CUL4B: variants seen among roughly 807,000 people sequenced by gnomAD.
The protein encoded by CUL4B is cullin-4B.
In CUL4B, 1 loss-of-function variant was observed where a neutral mutation model predicts 69.2. The ratio of observed to expected loss-of-function variants is 0.01; its 90% CI spans 0.01 to 0.07. The LOEUF (loss-of-function observed/expected upper bound fraction) is 0.07, where lower values mean the gene tolerates loss of function less well. CUL4B is among the 10% of genes least tolerant of loss of function. CUL4B has a pLI of 1.00. For missense variants in CUL4B, 328 were observed against 638.8 expected (o/e 0.51, Z 5.24); for synonymous variants, 237 against 223.2 (o/e 1.06, Z -0.55).
At chrX:120,543,919 C>T in intron 7 of CUL4B, 110 bp from the exon 8 acceptor site, 2 of 623,771 alleles carry the variant, frequency 3.2e-6, no homozygotes, top group Non-Finnish European at 5.2e-6. Context: ...AGGGTAGAAT[C>T]ATATGTAAAA....
At chrX:120,550,294 T>C (rs781720263) in intron 2 of CUL4B, among the ~76,000 whole-genome samples, 7 of 112,510 alleles carry the variant, frequency 6.2e-5, no homozygotes, top group African/African-American at 1.9e-4. Context: ...ATAAGTTCTT[T>C]AATACTTTTT....
chrX:120,560,570 G>A lies in CUL4B; in HGVS notation c.69C>T (p.Ala23=), dbSNP rs1229501675. 5.0e-6 allele frequency: 6 copies of A among 1,206,691 alleles called. No individual in the cohort carries two copies. The Admixed American group carries it at 8.8e-5, about 18-fold the overall frequency. ...GAGTGGTGCTGGTATTACCATCAGT[G>A]GCAGATCTGACCTCCTGAGCAGCAG... ...AAAAAQEVRS[A]TDGNTSTTPP... is the part of the protein sequence containing the mutation. The change falls in exon 1 of 20, where the codon GCC becomes GCT. Residue 23 remains alanine, a synonymous_variant. Transcript: ENST00000371322.
At chrX:120,536,213 C>G (rs903343152) in intron 15 of CUL4B, among the ~76,000 whole-genome samples, 1 of 113,097 alleles carries the variant, frequency 8.8e-6, no homozygotes, top group African/African-American at 3.2e-5. Context: ...CTGCACTATG[C>G]TGCTTCCTTT....
intron 19 of CUL4B, 77 bp downstream of exon 19, chrX:120,530,023 TGC>T (rs890601625): frequency 1.9e-6 from 2 of 1,030,687 alleles, no homozygotes; most frequent in African/African-American, 3.7e-5. Context: ...GCTTTATGTT[TGC>T]AAGATTTGTG....
Position 120,560,858 on chromosome X carries a change from G to A in CUL4B, c.-220C>T, listed in dbSNP as rs1011245569. The stretch of plus-strand genomic sequence containing the variant: ...GACACCAGGAGTGAGCAGAACGAGG[G>A]GGGAGAGCGAATGAGGAGGCAGACA... On this transcript the variant is annotated 5_prime_UTR_variant, in exon 1 of 20. Coordinates refer to ENST00000371322, the MANE Select transcript of CUL4B (RefSeq NM_001079872.2). 2.7e-6 allele frequency: 2 copies of A among 753,555 alleles called. No individual in the cohort carries two copies. Among genetic ancestry groups the A allele is most frequent in the South Asian group, 6.8e-5 (1 of 14,789 alleles). The allele number at this position is 753,555 out of a possible 1,213,427, so 62.1% of individuals were successfully genotyped here. A position where few individuals can be genotyped will look rare whatever the true frequency, so the allele number is the denominator to read the frequency against.
chrX:120,545,212 C>T (rs976176253), intron 5 of CUL4B, among the ~76,000 whole-genome samples: 6 of 111,867 alleles, frequency 5.4e-5, no homozygotes, highest in African/African-American at 2.0e-4. Flanking sequence ...TTAGTCCCCT[C>T]GGCTAACAAA....
At chrX:120,546,035 G>GA (rs1279748683) in intron 4 of CUL4B, among the ~76,000 whole-genome samples, 22 of 108,495 alleles carry the variant, frequency 2.0e-4, no homozygotes, top group South Asian at 7.6e-4. Context: ...CATCAAGAGA[G>GA]AAAAAAAAAT....
intron 14 of CUL4B, among the ~76,000 whole-genome samples, chrX:120,537,371 C>T (rs769460836): frequency 6.3e-5 from 7 of 110,728 alleles, no homozygotes; most frequent in South Asian, 3.9e-4. Context: ...CTTTGAATAC[C>T]CCTATGTGGC....
intron 2 of CUL4B, among the ~76,000 whole-genome samples, chrX:120,549,871 T>G (rs1924583737): frequency 8.9e-6 from 1 of 112,117 alleles, no homozygotes; most frequent in Admixed American, 9.5e-5. Flanking sequence ...TCTCAGCATT[T>G]CTTATCGCTT....
chrX:120,566,369 A>ATATATG (rs1556253205), upstream of CUL4B, among the ~76,000 whole-genome samples: 1 of 56,465 alleles, frequency 1.8e-5, no homozygotes, highest in Non-Finnish European at 4.0e-5. Context: ...ATATATATAT[A>ATATATG]TATATATATA....
In CUL4B at chrX:120,538,648, T is replaced by G; in HGVS notation, c.1852+12A>C. ...AATCAAAGAAAAGGAACAGAAAGAATGAGAAACCTACCATGTTTAAGTTTG... is the reference window on the plus strand; with the variant it reads ...AATCAAAGAAAAGGAACAGAAAGAAGGAGAAACCTACCATGTTTAAGTTTG... On this transcript the variant is annotated intron_variant, in intron 13 of 19. Transcript: ENST00000371322. The G allele has an allele frequency of 1.2e-5, 13 of 1,079,069 alleles. No homozygotes were observed. Among genetic ancestry groups the G allele is most frequent in the South Asian group, 1.8e-5 (1 of 54,098 alleles). The allele number at this position is 1,079,069 out of a possible 1,213,427, so 88.9% of individuals were successfully genotyped here.
intron 6 of CUL4B, 85 bp from the exon 7 acceptor site, chrX:120,544,288 A>G (rs1924183977): frequency 1.2e-6 from 1 of 846,471 alleles, no homozygotes; most frequent in Non-Finnish European, 1.7e-6. Context: ...CAGCATTATG[A>G]ATTTGGTTTT....
intron 15 of CUL4B, 63 bp from the exon 16 acceptor site, chrX:120,536,006 A>G (rs1923648174): frequency 1.2e-6 from 1 of 801,388 alleles, no homozygotes; most frequent in African/African-American, 2.0e-5. Context: ...TACCATTTTT[A>G]TACTTACCTC....
At chrX:120,574,637 T>C (rs781026157) in intron 1 of CUL4B, 2 of 1,159,453 alleles carry the variant, frequency 1.7e-6, no homozygotes, top group Non-Finnish European at 2.4e-6. Flanking sequence ...GGGTCTACGA[T>C]AGAAAACAGA....
chrX:120,535,471 G>A (rs1416767388), intron 16 of CUL4B, among the ~76,000 whole-genome samples: 6 of 110,163 alleles, frequency 5.4e-5, no homozygotes, highest in African/African-American at 2.0e-4. Context: ...TTAGGAGGCC[G>A]AGGCGCGTGG....
intron 19 of CUL4B, among the ~76,000 whole-genome samples, chrX:120,528,136 G>A (rs993899818): frequency 9.0e-6 from 1 of 111,724 alleles, no homozygotes; most frequent in African/African-American, 3.3e-5. Context: ...ACCGGGTGTG[G>A]TGGCTCATGC....
At chrX:120,542,537 C>T (rs1015350857) in intron 9 of CUL4B, among the ~76,000 whole-genome samples, 3 of 111,791 alleles carry the variant, frequency 2.7e-5, no homozygotes, top group African/African-American at 6.5e-5. Flanking sequence ...AAACCCTCAC[C>T]GCTTTAGTGT....
upstream of CUL4B, among the ~76,000 whole-genome samples, chrX:120,565,971 G>A (rs759535317): frequency 9.3e-5 from 10 of 107,458 alleles, no homozygotes; most frequent in Admixed American, 2.0e-4. Flanking sequence ...CTCATGATCC[G>A]CCCGCCTCGG....
chrX:120,556,413 C>A (rs1924968860), intron 2 of CUL4B, among the ~76,000 whole-genome samples: 1 of 111,893 alleles, frequency 8.9e-6, no homozygotes, highest in African/African-American at 3.3e-5. Flanking sequence ...ACTCGTGATA[C>A]CATCTTATAT....
Sources: gnomAD v4.1 joint callset for allele counts (sites outside exome capture counted in the v4.1 genomes callset) on GRCh38, gnomAD v4.1.1 for gene constraint, MANE v1.5 for transcripts, NCBI Gene and HGNC (gene_info 2026-07-23, HGNC 2026-07-21) for gene names.